Variants in SHB observed in about 807,000 individuals in gnomAD.
SHB encodes the protein SH2 domain containing adaptor protein B, also known as SH2 domain-containing adapter protein B.
Under a neutral mutation model 52.3 loss-of-function variants are expected in SHB, and 20 were observed. The ratio of observed to expected loss-of-function variants is 0.38; its 90% CI spans 0.27 to 0.56. The LOEUF (loss-of-function observed/expected upper bound fraction) is 0.56. Ranked by LOEUF, SHB falls within the 20% of genes least tolerant of loss-of-function variation. SHB has a pLI of 0.71. For synonymous variants in SHB, 397 were observed against 316.5 expected (o/e 1.25, Z -2.70); for missense variants, 825 against 723.3 (o/e 1.14, Z -1.61).
At chr9:37,969,403 T>G (rs1432688030) in intron 3 of SHB, among the ~76,000 whole-genome samples, 3 of 152,236 alleles carry the variant, frequency 2.0e-5, no homozygotes, top group South Asian at 2.1e-4. Flanking sequence ...ATTATGAGGA[T>G]TGAATGAGAG....
chr9:37,940,304 T>C (rs1482869559), intron 5 of SHB, among the ~76,000 whole-genome samples: 2 of 152,224 alleles, frequency 1.3e-5, no homozygotes, highest in Non-Finnish European at 2.9e-5. Flanking sequence ...AAGGGAAATG[T>C]CATCTAATAT....
chr9:38,018,470 C>T, intron 1 of SHB, among the ~76,000 whole-genome samples: 1 of 149,812 alleles, frequency 6.7e-6, no homozygotes, highest in East Asian at 1.9e-4. Context: ...CATATGGTTC[C>T]AGTTATACCT....
intron 3 of SHB, 85 bp downstream of exon 3, chr9:37,974,537 G>A: frequency 8.6e-7 from 1 of 1,162,664 alleles, no homozygotes; most frequent in Non-Finnish European, 1.2e-6. Flanking sequence ...CAACCCTGGA[G>A]TTTGTCCTGA....
chr9:37,939,782 C>T (rs549484622), intron 5 of SHB, among the ~76,000 whole-genome samples: 7 of 152,144 alleles, frequency 4.6e-5, no homozygotes, highest in African/African-American at 1.4e-4. Context: ...TTAACTGTGA[C>T]GTAATGTGAA....
chr9:37,931,458 A>T (rs556314230), intron 5 of SHB, among the ~76,000 whole-genome samples: 35 of 152,382 alleles, frequency 2.3e-4, no homozygotes, highest in South Asian at 6.2e-4. Flanking sequence ...CAAAGAAGAC[A>T]TAAAAAAATG....
chr9:37,972,030 C>T (rs1475322446), intron 3 of SHB, among the ~76,000 whole-genome samples: 1 of 152,158 alleles, frequency 6.6e-6, no homozygotes, highest in Admixed American at 6.5e-5. Flanking sequence ...GAGGCCAATG[C>T]TGCTGGTTCA....
intron 1 of SHB, among the ~76,000 whole-genome samples, chr9:38,028,832 G>A (rs759663928): frequency 2.5e-4 from 38 of 152,114 alleles, no homozygotes; most frequent in Non-Finnish European, 5.4e-4. Context: ...ATAGAAAAAG[G>A]ACCAGAAAGA....
intron 1 of SHB, among the ~76,000 whole-genome samples, chr9:38,061,968 T>A (rs1424762499): frequency 6.6e-6 from 1 of 152,216 alleles, no homozygotes; most frequent in Admixed American, 6.5e-5. Context: ...CATTAACATC[T>A]CATTTCTGGA....
intron 3 of SHB, among the ~76,000 whole-genome samples, chr9:37,971,170 C>T (rs1820586456): frequency 6.6e-6 from 1 of 152,168 alleles, no homozygotes; most frequent in Non-Finnish European, 1.5e-5. Flanking sequence ...CTGACCACAC[C>T]AACGACTCGC....
chr9:38,009,091 C>T (rs1345488848), intron 2 of SHB, among the ~76,000 whole-genome samples: 2 of 152,228 alleles, frequency 1.3e-5, no homozygotes, highest in Non-Finnish European at 2.9e-5. Flanking sequence ...GAGGCAGCTT[C>T]TCTGACACCC....
intron 3 of SHB, among the ~76,000 whole-genome samples, chr9:37,960,355 C>T (rs1412927437): frequency 2.6e-5 from 4 of 152,214 alleles, no homozygotes; most frequent in Non-Finnish European, 4.4e-5. Context: ...CACAGTCCTT[C>T]AAAAGAAGAT....
chr9:37,919,561 A>C lies in SHB; in HGVS notation c.*260T>G. 4.1e-6 allele frequency: 1 copy of C among 246,058 alleles called. No individual in the cohort carries two copies. Among genetic ancestry groups the C allele is most frequent in the Non-Finnish European group, 7.9e-6 (1 of 126,982 alleles). The allele number at this position is 246,058 out of a possible 1,614,324, so 15.2% of individuals were successfully genotyped here. On this transcript the variant is annotated 3_prime_UTR_variant, in exon 6 of 6. Coordinates refer to ENST00000377707, the MANE Select transcript of SHB (RefSeq NM_003028.3). The stretch of plus-strand genomic sequence containing the variant: ...CTGGAAGGCATCTCTTTGGATTTGC[A>C]AATATTTTAATTCACAGAAACTCAA...
At chr9:37,936,165 G>A (rs1244339574) in intron 5 of SHB, among the ~76,000 whole-genome samples, 1 of 152,070 alleles carries the variant, frequency 6.6e-6, no homozygotes, top group Non-Finnish European at 1.5e-5. Context: ...GCAGTGAGCC[G>A]AGATAGCGCC....
chr9:37,981,997 CA>C (rs1461348113), intron 2 of SHB, among the ~76,000 whole-genome samples: 2 of 151,456 alleles, frequency 1.3e-5, no homozygotes, highest in Non-Finnish European at 2.9e-5. Context: ...TGAGAATTAC[CA>C]AAATGTGACA....
intron 1 of SHB, among the ~76,000 whole-genome samples, chr9:38,042,328 T>G (rs1050789220): frequency 6.6e-6 from 1 of 152,230 alleles, no homozygotes; most frequent in Non-Finnish European, 1.5e-5. Context: ...ATCGTTTAAT[T>G]GCTAACCTCA....
At chr9:38,064,281 T>G (rs1821933232) in intron 1 of SHB, among the ~76,000 whole-genome samples, 1 of 152,124 alleles carries the variant, frequency 6.6e-6, no homozygotes, top group African/African-American at 2.4e-5. Context: ...CCACCATGGC[T>G]CTGAGTACAT....
chr9:37,983,660 C>G (rs943937), intron 2 of SHB, among the ~76,000 whole-genome samples: 15 of 152,138 alleles, frequency 9.9e-5, no homozygotes, highest in African/African-American at 3.6e-4. Flanking sequence ...GTATGGCTCT[C>G]CACTCCCAGG....
At chr9:37,925,789 T>C (rs1233968588) in intron 5 of SHB, among the ~76,000 whole-genome samples, 1 of 152,224 alleles carries the variant, frequency 6.6e-6, no homozygotes, top group African/African-American at 2.4e-5. Context: ...ATTTAAATCT[T>C]ACATTGTGCG....
rs568974302 is a variant in SHB at position 37,971,740 on chromosome 9, C to G, written c.1054+2882G>C. Reference sequence around the variant, plus strand: ...GTGATGGCAACTCTGCCACACAAAACCCAGGCCAAAACGGATGCTTGTGGG... The same window carrying G: ...GTGATGGCAACTCTGCCACACAAAAGCCAGGCCAAAACGGATGCTTGTGGG... On this transcript the variant is annotated intron_variant, in intron 3 of 5. Transcript: ENST00000377707. 8.7e-4 allele frequency among the ~76,000 whole-genome samples: 132 copies of G among 152,284 alleles called. 4 individuals are homozygous for G. The South Asian group carries it at 0.027, about 31-fold the overall frequency.
Sources: allele counts gnomAD v4.1 joint callset (sites outside exome capture counted in the v4.1 genomes callset), GRCh38; gene constraint gnomAD v4.1.1; transcripts MANE v1.5; gene names NCBI Gene and HGNC (gene_info 2026-07-23, HGNC 2026-07-21).